Variants in RBFOX2 observed in about 807,000 individuals in gnomAD.
RBFOX2 encodes the protein RNA binding fox-1 homolog 2.
In RBFOX2, 10 loss-of-function variants were observed where a neutral mutation model predicts 49.1. That is an observed-to-expected ratio of 0.20 (90% CI 0.13 to 0.35). RBFOX2 has a LOEUF of 0.35. RBFOX2 is among the 10% of genes least tolerant of loss of function. The pLI is 1.00. For synonymous variants in RBFOX2, 183 were observed against 187.4 expected (o/e 0.98, Z 0.19); for missense variants, 323 against 486.9 (o/e 0.66, Z 3.17).
chr22:35,818,419 A>C (rs1359191359), intron 1 of RBFOX2, among the ~76,000 whole-genome samples: 1 of 152,192 alleles, frequency 6.6e-6, no homozygotes, highest in Non-Finnish European at 1.5e-5. Context: ...TTTCACTACA[A>C]TCTAAATTAA....
intron 1 of RBFOX2, among the ~76,000 whole-genome samples, chr22:35,881,313 C>G (rs775332811): frequency 6.6e-6 from 1 of 151,628 alleles, no homozygotes; most frequent in African/African-American, 2.4e-5. Flanking sequence ...TGGTGGCTCA[C>G]GCCTATAATC....
chr22:35,903,056 C>T (rs1004918313), intron 1 of RBFOX2, among the ~76,000 whole-genome samples: 1 of 152,086 alleles, frequency 6.6e-6, no homozygotes, highest in Admixed American at 6.6e-5. Context: ...ATTAAATGAA[C>T]CCTAATTTTT....
intron 4 of RBFOX2, among the ~76,000 whole-genome samples, chr22:35,770,577 C>T (rs1000028657): frequency 3.3e-5 from 5 of 152,090 alleles, no homozygotes; most frequent in Admixed American, 6.6e-5. Context: ...AAATTCTAAG[C>T]CTTTTCAAAT....
In RBFOX2 at chr22:35,836,950, C is replaced by T. The variant is rs191874428; in HGVS notation, c.27+3242G>A. On this transcript the variant is annotated intron_variant, in intron 1 of 11. Transcript: ENST00000405409. ...TAAATATGAGATGCAATAATCTGGT[C>T]TATATGCCCAAAAAATAAGAGATCT... Among the ~76,000 whole-genome samples the T allele has an allele frequency of 1.6e-4, 24 of 152,266 alleles. 1 individual carries two copies. Among genetic ancestry groups the T allele is most frequent in the African/African-American group, 5.8e-4 (24 of 41,554 alleles).
At chr22:35,965,211 ATT>A (rs2056487405), upstream of RBFOX2, among the ~76,000 whole-genome samples, 1 of 152,218 alleles carries the variant, frequency 6.6e-6, no homozygotes, top group African/African-American at 2.4e-5. Context: ...GAGAACAAAG[ATT>A]TACAAAGGGA....
At chr22:35,843,204 AG>A (rs1166686238), upstream of RBFOX2, among the ~76,000 whole-genome samples, 1 of 152,140 alleles carries the variant, frequency 6.6e-6, no homozygotes, top group Non-Finnish European at 1.5e-5. Context: ...TGTACCAAGG[AG>A]AAAATCATTT....
At chr22:35,746,799 A>G (rs1390554186) in intron 9 of RBFOX2, 1 of 375,710 alleles carries the variant, frequency 2.7e-6, no homozygotes, top group Non-Finnish European at 4.7e-6. Flanking sequence ...TGATAGTATT[A>G]AAAGTAAAGT....
At chr22:35,904,499 A>G (rs1603444538) in intron 1 of RBFOX2, among the ~76,000 whole-genome samples, 1 of 152,310 alleles carries the variant, frequency 6.6e-6, no homozygotes. Context: ...TTAGAGTGCT[A>G]CTAATTTCAC....
At chr22:35,936,077 T>G (rs1285996066) in intron 1 of RBFOX2, among the ~76,000 whole-genome samples, 1 of 151,816 alleles carries the variant, frequency 6.6e-6, no homozygotes, top group Non-Finnish European at 1.5e-5. Context: ...CCGGGTGTGG[T>G]GGCACACACC....
chr22:35,933,953 T>TATATATATATATACAC (rs1009021083), intron 1 of RBFOX2, among the ~76,000 whole-genome samples: 6 of 141,078 alleles, frequency 4.3e-5, no homozygotes, highest in African/African-American at 1.7e-4. Flanking sequence ...TATATATATA[T>TATATATATATATACAC]ACACACATCA....
At chr22:35,894,045 T>C (rs1365159304) in intron 1 of RBFOX2, among the ~76,000 whole-genome samples, 1 of 152,138 alleles carries the variant, frequency 6.6e-6, no homozygotes, top group Non-Finnish European at 1.5e-5. Context: ...TTCTCTATTA[T>C]TTCCCCTGAC....
intron 1 of RBFOX2, among the ~76,000 whole-genome samples, chr22:36,006,882 A>G (rs2058638515): frequency 1.3e-5 from 2 of 152,150 alleles, no homozygotes; most frequent in Admixed American, 6.5e-5. Flanking sequence ...AGCACTACTC[A>G]TCCTGGCTTG....
chr22:35,952,026 T>C (rs2055001624), intron 1 of RBFOX2, among the ~76,000 whole-genome samples: 1 of 152,210 alleles, frequency 6.6e-6, no homozygotes, highest in Non-Finnish European at 1.5e-5. Flanking sequence ...TGTTAATGCC[T>C]GCTTTCCTTT....
chr22:35,930,084 TA>T (rs952714369), intron 1 of RBFOX2, among the ~76,000 whole-genome samples: 7 of 146,206 alleles, frequency 4.8e-5, no homozygotes, highest in Admixed American at 7.0e-5. Flanking sequence ...TGCAGTGGCA[TA>T]ATCTCAGCTC....
chr22:35,973,111 G>A (rs1603460479), intron 1 of RBFOX2, among the ~76,000 whole-genome samples: 3 of 152,256 alleles, frequency 2.0e-5, no homozygotes, highest in Admixed American at 6.5e-5. Flanking sequence ...AGGCAACAGA[G>A]AGAGATGTTC....
At chr22:36,005,387 G>A (rs574940043) in intron 1 of RBFOX2, among the ~76,000 whole-genome samples, 13 of 152,274 alleles carry the variant, frequency 8.5e-5, no homozygotes, top group Admixed American at 1.3e-4. Context: ...AAATGTGAAC[G>A]ATTCTTAATT....
chr22:35,863,431 T>G (rs1255952902), intron 1 of RBFOX2, among the ~76,000 whole-genome samples: 1 of 152,110 alleles, frequency 6.6e-6, no homozygotes, highest in Non-Finnish European at 1.5e-5. Context: ...TAAGAAGCCA[T>G]TCTCTTGCGT....
chr22:35,781,535 A>T, intron 3 of RBFOX2, 65 bp downstream of exon 4: 1 of 1,545,732 alleles, frequency 6.5e-7, no homozygotes, highest in East Asian at 2.3e-5. Context: ...AATGACTAAT[A>T]ACACATCTGG....
intron 1 of RBFOX2, among the ~76,000 whole-genome samples, chr22:35,890,965 T>A (rs1175287018): frequency 1.3e-5 from 2 of 152,088 alleles, no homozygotes; most frequent in Admixed American, 1.3e-4. Flanking sequence ...ATAGGGATAA[T>A]GATACTTAGT....
Sources: gnomAD v4.1 joint callset for allele counts (sites outside exome capture counted in the v4.1 genomes callset) on GRCh38, gnomAD v4.1.1 for gene constraint, MANE v1.5 for transcripts, NCBI Gene and HGNC (gene_info 2026-07-23, HGNC 2026-07-21) for gene names.